PCP4L1: variants seen among roughly 807,000 people sequenced by gnomAD.
The protein encoded by PCP4L1 is Purkinje cell protein 4-like protein 1.
Under a neutral mutation model 9.6 loss-of-function variants are expected in PCP4L1, and 9 were observed. The observed-to-expected ratio is 0.94, with a 90% CI of 0.57 to 1.64. PCP4L1 has a LOEUF of 1.64. PCP4L1 is among the 40% of genes most tolerant of loss of function. PCP4L1 has a pLI of 0.00. For missense variants in PCP4L1, 81 were observed against 80.8 expected (o/e 1.00, Z -0.01); for synonymous variants, 31 against 28.2 (o/e 1.10, Z -0.31).
chr1:161,277,809 C>G (rs1359820374), intron 1 of PCP4L1, among the ~76,000 whole-genome samples: 1 of 152,210 alleles, frequency 6.6e-6, no homozygotes, highest in Non-Finnish European at 1.5e-5. Context: ...TCTCCTCTTT[C>G]CTCAAACATT....
At chr1:161,266,989 G>A (rs774038364) in intron 1 of PCP4L1, among the ~76,000 whole-genome samples, 14 of 152,116 alleles carry the variant, frequency 9.2e-5, no homozygotes, top group Non-Finnish European at 1.6e-4. Context: ...AGGGTCCCAG[G>A]GTGGAGTGGG....
rs542024095 is a variant in PCP4L1 at position 161,265,978 on chromosome 1, G to T, written c.9+6995G>T. Among the ~76,000 whole-genome samples the T allele has an allele frequency of 3.3e-5, 5 of 152,054 alleles. No homozygotes were observed. In the South Asian group the frequency reaches 1.0e-3, roughly 32 times the overall value. ...TGATCTCAAACTCCTGACCTCAGGT[G>T]ATCCACCTGCCTCGGCCTCCCAAAG... On this transcript the variant is annotated intron_variant, in intron 1 of 2. Coordinates refer to ENST00000504449, the MANE Select transcript of PCP4L1 (RefSeq NM_001102566.2).
chr1:161,272,916 T>C (rs1288851691), intron 1 of PCP4L1, among the ~76,000 whole-genome samples: 1 of 152,006 alleles, frequency 6.6e-6, no homozygotes, highest in African/African-American at 2.4e-5. Context: ...TTCTCTTTCC[T>C]GGAAGTGGGA....
chr1:161,266,374 C>G (rs909632359), intron 1 of PCP4L1, among the ~76,000 whole-genome samples: 1 of 152,204 alleles, frequency 6.6e-6, no homozygotes, highest in Admixed American at 6.5e-5. Flanking sequence ...TGGCACTACT[C>G]TCTCTCCCCC....
intron 1 of PCP4L1, among the ~76,000 whole-genome samples, chr1:161,275,906 C>T (rs761579540): frequency 1.3e-5 from 2 of 151,686 alleles, no homozygotes; most frequent in Admixed American, 6.6e-5. Context: ...AGCAGTTCTC[C>T]TGCCCCAGCC....
Position 161,284,945 on chromosome 1 carries a change from C to G in PCP4L1, c.*464C>G, listed in dbSNP as rs1178217297. 2 of 162,854 alleles carry G rather than the reference C, an allele frequency of 1.2e-5. No individual in the cohort carries two copies. Among genetic ancestry groups the G allele is most frequent in the Non-Finnish European group, 2.7e-5 (2 of 73,980 alleles). The allele number at this position is 162,854 out of a possible 1,614,324, so 10.1% of individuals were successfully genotyped here. A position where few individuals can be genotyped will look rare whatever the true frequency, so the allele number is the denominator to read the frequency against. ...TCTGCACCAACTCCAACTTCCCCTC[C>G]CAGGATCTAAGCCACAGTGGGGACT... On this transcript the variant is annotated 3_prime_UTR_variant, in exon 3 of 3. Transcript: ENST00000504449.
intron 1 of PCP4L1, among the ~76,000 whole-genome samples, chr1:161,273,752 GT>G (rs1424681858): frequency 5.3e-5 from 8 of 152,338 alleles, no homozygotes; most frequent in Admixed American, 2.0e-4. Context: ...AGAAATCTGA[GT>G]GATAGGCGTG....
At chr1:161,274,171 T>C (rs959955348) in intron 1 of PCP4L1, among the ~76,000 whole-genome samples, 5 of 152,234 alleles carry the variant, frequency 3.3e-5, no homozygotes, top group African/African-American at 1.2e-4. Context: ...TTATATATGA[T>C]TGTTCATAAA....
At chr1:161,259,842 C>T (rs1669387691) in intron 1 of PCP4L1, among the ~76,000 whole-genome samples, 1 of 152,206 alleles carries the variant, frequency 6.6e-6, no homozygotes, top group Admixed American at 6.5e-5. Context: ...CTAGTACCCA[C>T]ATCGTTGTGT....
In PCP4L1 at chr1:161,258,939, C is replaced by T. The variant is rs1334126395; in HGVS notation, c.-36C>T. 1.3e-6 allele frequency: 2 copies of T among 1,534,718 alleles called. No individual in the cohort carries two copies. The highest frequency in any genetic ancestry group is 1.7e-6 in the Non-Finnish European group (2 of 1,146,168). ...CCGAGGGCCACTCGCCTCACCTGTG[C>T]GTGCAGCGCCTCGCGCGCCCTGTCC... is the stretch of plus-strand genomic sequence containing the variant. On this transcript the variant is annotated 5_prime_UTR_variant, in exon 1 of 3. Transcript: ENST00000504449.
At chr1:161,275,533 A>C (rs1239847728) in intron 1 of PCP4L1, among the ~76,000 whole-genome samples, 1 of 151,338 alleles carries the variant, frequency 6.6e-6, no homozygotes, top group Non-Finnish European at 1.5e-5. Flanking sequence ...AAAAAAAAAA[A>C]AGAATCAGAG....
At chr1:161,266,814 T>G (rs1669538839) in intron 1 of PCP4L1, among the ~76,000 whole-genome samples, 1 of 152,216 alleles carries the variant, frequency 6.6e-6, no homozygotes, top group African/African-American at 2.4e-5. Context: ...GTTTAAGGAC[T>G]GCAGCTGGTT....
chr1:161,281,452 G>A (rs1320243164), intron 1 of PCP4L1, among the ~76,000 whole-genome samples: 8 of 148,244 alleles, frequency 5.4e-5, no homozygotes, highest in South Asian at 2.1e-4. Context: ...CGGACGGGGC[G>A]GCTGGCCAGG....
At chr1:161,277,562 T>G (rs1669720136) in intron 1 of PCP4L1, among the ~76,000 whole-genome samples, 1 of 152,240 alleles carries the variant, frequency 6.6e-6, no homozygotes, top group Non-Finnish European at 1.5e-5. Context: ...TTATCTCCTC[T>G]AAAATCACTT....
At chr1:161,272,440 C>A (rs1462135310) in intron 1 of PCP4L1, among the ~76,000 whole-genome samples, 1 of 151,564 alleles carries the variant, frequency 6.6e-6, no homozygotes, top group Non-Finnish European at 1.5e-5. Flanking sequence ...CACCTGTAAT[C>A]CCAGCTACGC....
At chr1:161,281,796 G>A (rs151038108) in intron 1 of PCP4L1, among the ~76,000 whole-genome samples, 1 of 11,970 alleles carries the variant, frequency 8.4e-5, no homozygotes, top group Non-Finnish European at 1.2e-4. Context: ...ACGGGGCGGC[G>A]GGGCAGAGGC....
chr1:161,267,847 G>A lies in PCP4L1; in HGVS notation c.9+8864G>A, dbSNP rs188318905. ...CCCACCTCAGCCTCCTGAGTAGCTGGGATTACAGGTGCCCACCACCATGCC... is the reference window on the plus strand; with the variant it reads ...CCCACCTCAGCCTCCTGAGTAGCTGAGATTACAGGTGCCCACCACCATGCC... On this transcript the variant is annotated intron_variant, in intron 1 of 2. Transcript: ENST00000504449. 1.9e-4 allele frequency among the ~76,000 whole-genome samples: 29 copies of A among 152,132 alleles called. No individual in the cohort carries two copies. The South Asian group carries it at 2.1e-3, about 11-fold the overall frequency.
intron 1 of PCP4L1, 40 bp from the exon 2 acceptor site, chr1:161,283,628 A>G (rs369796159): frequency 8.0e-5 from 123 of 1,536,454 alleles, no homozygotes; most frequent in Non-Finnish European, 1.2e-5. Context: ...AATTACTTCC[A>G]TGAATATCTA....
chr1:161,277,507 G>C (rs963117659), intron 1 of PCP4L1, among the ~76,000 whole-genome samples: 9 of 152,104 alleles, frequency 5.9e-5, no homozygotes, highest in African/African-American at 1.2e-4. Context: ...GGATTAAATG[G>C]GATAATGTTT....
Sources: allele counts gnomAD v4.1 joint callset (sites outside exome capture counted in the v4.1 genomes callset), GRCh38; gene constraint gnomAD v4.1.1; transcripts MANE v1.5; gene names NCBI Gene and HGNC (gene_info 2026-07-23, HGNC 2026-07-21).